Variants in CPNE5 observed in about 807,000 individuals in gnomAD.
CPNE5 encodes the protein copine-5.
CPNE5 carries 42 observed loss-of-function variants against 81.1 expected under a neutral mutation model. That is an observed-to-expected ratio of 0.52 (90% CI 0.40 to 0.67). The LOEUF is 0.67. Among genes scored for constraint, CPNE5 ranks in the 30% least tolerant of loss-of-function variants. The pLI, the probability that CPNE5 is intolerant of heterozygous loss-of-function variation, is 0.00. For synonymous variants in CPNE5, 313 were observed against 321.5 expected, an observed-to-expected ratio of 0.97 and a Z score of 0.28; for missense variants, 612 against 815.5, an observed-to-expected ratio of 0.75 and a Z score of 3.04.
intron 18 of CPNE5, 30 bp from the exon 19 acceptor site, chr6:36,744,355 G>A (rs743869): frequency 5.8e-6 from 9 of 1,557,550 alleles, no homozygotes; most frequent in African/African-American, 2.7e-5. Context: ...GCAGGGAAAG[G>A]TTGGACCCAA....
chr6:36,767,909 T>C (rs1352640492), intron 10 of CPNE5, among the ~76,000 whole-genome samples: 3 of 152,230 alleles, frequency 2.0e-5, no homozygotes, highest in Non-Finnish European at 4.4e-5. Flanking sequence ...GCTTTAGAAA[T>C]ACTGACACCA....
chr6:36,745,039 CT>C lies in CPNE5; in HGVS notation c.1431+8del. The C allele has an allele frequency of 6.2e-7, 1 of 1,607,186 alleles. No individual in the cohort carries two copies. Among genetic ancestry groups the C allele is most frequent in the Non-Finnish European group, 8.5e-7 (1 of 1,173,666 alleles). On this transcript the variant is annotated splice_region_variant and intron_variant, in intron 18 of 20. Coordinates refer to ENST00000244751, the MANE Select transcript of CPNE5 (RefSeq NM_020939.2). ...AAACCGCCTCCCCCACCGCACACTC[CT>C]TGCTTACGTTGACAATGGCCTCCTT...
In CPNE5 at chr6:36,746,305, G is replaced by T; in HGVS notation, c.1200+91C>A. The T allele has an allele frequency of 1.3e-6, 2 of 1,483,276 alleles. No individual in the cohort carries two copies. Among genetic ancestry groups the T allele is most frequent in the Non-Finnish European group, 1.8e-6 (2 of 1,114,234 alleles). The allele number at this position is 1,483,276 out of a possible 1,614,324, so 91.9% of individuals were successfully genotyped here. A position where few individuals can be genotyped will look rare whatever the true frequency, so the allele number is the denominator to read the frequency against. ...CTGAGGCTGAGCCTTAAGTCCCCGG[G>T]CTCAGAGGAAGGGAAACGTCCCCCC... On this transcript the variant is annotated intron_variant, in intron 16 of 20. Coordinates refer to ENST00000244751, the MANE Select transcript of CPNE5 (RefSeq NM_020939.2). This position sits in a 1 kb window ranked among gnomAD's most constrained non-coding sequence, Gnocchi z 4.5.
chr6:36,832,675 T>C lies in CPNE5; in HGVS notation c.95+6608A>G, dbSNP rs574243195. Among the ~76,000 whole-genome samples, 4 of 129,100 alleles carry C rather than the reference T, an allele frequency of 3.1e-5. No individual in the cohort carries two copies. In the South Asian group the frequency reaches 9.8e-4, roughly 32 times the overall value. 84.7% of individuals were successfully genotyped at this position (129,100 alleles called of 152,430 possible). On this transcript the variant is annotated intron_variant, in intron 1 of 20. Transcript: ENST00000244751. ...TAACCTACCTCCAGATTCATTGTGA[T>C]CTGAGAAAAATAAATGCATATCAAG...
intron 6 of CPNE5, among the ~76,000 whole-genome samples, chr6:36,797,172 C>T (rs1375124124): frequency 6.6e-6 from 1 of 152,240 alleles, no homozygotes; most frequent in African/African-American, 2.4e-5. Context: ...TCCCAAAGTG[C>T]TGAGATTACA....
rs374726167 is a variant in CPNE5 at position 36,744,366 on chromosome 6, T to C, written c.1432-41A>G. 8.0e-5 allele frequency: 121 copies of C among 1,509,600 alleles called. 4 individuals carry two copies. In the South Asian group the frequency reaches 1.2e-3, roughly 15 times the overall value. The allele number at this position is 1,509,600 out of a possible 1,614,324, so 93.5% of individuals were successfully genotyped here. A position where few individuals can be genotyped will look rare whatever the true frequency, so the allele number is the denominator to read the frequency against. On this transcript the variant is annotated intron_variant, in intron 18 of 20. Coordinates refer to ENST00000244751, the MANE Select transcript of CPNE5 (RefSeq NM_020939.2). ...GGGGGCAGGGAAAGGTTGGACCCAA[T>C]TGGGACCCAGTTAAAAGGAAGGAGA... is the stretch of plus-strand genomic sequence containing the variant.
intron 1 of CPNE5, among the ~76,000 whole-genome samples, chr6:36,828,945 C>T (rs1024772625): frequency 2.0e-5 from 3 of 152,030 alleles, no homozygotes; most frequent in Non-Finnish European, 2.9e-5. Context: ...AATAACAGTC[C>T]CCCCCTCCCA....
intron 10 of CPNE5, among the ~76,000 whole-genome samples, 169 bp downstream of exon 10, chr6:36,774,792 G>A (rs537217676): frequency 6.6e-6 from 1 of 152,180 alleles, no homozygotes; most frequent in African/African-American, 2.4e-5. Flanking sequence ...AGAGTGGAGG[G>A]GCTCACCAAG....
chr6:36,830,190 C>T (rs1772867245), intron 1 of CPNE5, among the ~76,000 whole-genome samples: 1 of 152,156 alleles, frequency 6.6e-6, no homozygotes, highest in Admixed American at 6.5e-5. Context: ...GAAGCTCAAG[C>T]TCATTTAAAG....
chr6:36,791,370 G>A (rs768317133), intron 8 of CPNE5, among the ~76,000 whole-genome samples: 4 of 152,130 alleles, frequency 2.6e-5, no homozygotes, highest in Admixed American at 6.5e-5. Context: ...CAAGAGCAGC[G>A]ATAACTTATG....
chr6:36,792,160 C>A (rs1582903894), intron 7 of CPNE5, 64 bp from the exon 8 acceptor site: 2 of 1,497,498 alleles, frequency 1.3e-6, no homozygotes, highest in East Asian at 2.3e-5. Flanking sequence ...ACCTGACACT[C>A]CCTCAATCAG....
chr6:36,749,806 T>C (rs1764607301), intron 14 of CPNE5, among the ~76,000 whole-genome samples: 1 of 152,202 alleles, frequency 6.6e-6, no homozygotes, highest in South Asian at 2.1e-4. Context: ...TTTCTCCACA[T>C]TTGCATGTGT....
rs1332773585 is a variant in CPNE5 at position 36,766,437 on chromosome 6, T to C, written c.738-1061A>G. Among the ~76,000 whole-genome samples the C allele has an allele frequency of 6.6e-6, 1 of 152,184 alleles. No individual in the cohort carries two copies. The highest frequency in any genetic ancestry group is 1.5e-5 in the Non-Finnish European group (1 of 68,028). On this transcript the variant is annotated intron_variant, in intron 10 of 20. Coordinates refer to ENST00000244751, the MANE Select transcript of CPNE5 (RefSeq NM_020939.2). The surrounding 1 kb of genome is among the most constrained non-coding windows in gnomAD (Gnocchi z 4.2). ...GAATGAAGGAATGCCCAGTAGGTTGTGCACACACTGGATTTCTGTAAACCA... is the reference window on the plus strand; with the variant it reads ...GAATGAAGGAATGCCCAGTAGGTTGCGCACACACTGGATTTCTGTAAACCA...
At chr6:36,787,308 G>A (rs529879802) in intron 8 of CPNE5, among the ~76,000 whole-genome samples, 3 of 152,020 alleles carry the variant, frequency 2.0e-5, no homozygotes, top group South Asian at 2.1e-4. Context: ...CCCCAGCTAT[G>A]AGGTCCCACA....
At chr6:36,839,671 C>G, upstream of CPNE5, 1 of 141,334 alleles carries the variant, frequency 7.1e-6, no homozygotes. This position sits in a 1 kb window ranked among gnomAD's most constrained non-coding sequence, Gnocchi z 7.3. Context: ...CAGAGAGGGG[C>G]GCGGGGAGAG....
At position 36,746,858 on chromosome 6, in the gene CPNE5, G is replaced by T. The variant is rs535331162; in HGVS notation, c.1019-281C>A. On this transcript the variant is annotated intron_variant, in intron 15 of 20. Transcript: ENST00000244751. The surrounding 1 kb of genome is among the most constrained non-coding windows in gnomAD (Gnocchi z 4.5). ...CCCCTGTGCCTCCAGCCCATATCCA[G>T]CACAGCAGTGACTGAGCCTATCCGC... Among the ~76,000 whole-genome samples, 2 of 151,984 alleles carry T rather than the reference G, an allele frequency of 1.3e-5. No individual in the cohort carries two copies. The highest frequency in any genetic ancestry group is 2.1e-4 in the South Asian group (1 of 4,814).
chr6:36,769,762 G>A (rs1766897742), intron 10 of CPNE5, among the ~76,000 whole-genome samples: 1 of 152,176 alleles, frequency 6.6e-6, no homozygotes. Context: ...TGTGAATACC[G>A]AGAACGGTAC....
chr6:36,775,034 T>A lies in CPNE5; in HGVS notation c.664A>T (p.Lys222Ter), dbSNP rs778514497. ...FTICHKTEVM[K>*]NTLNPVWQTF... The stretch of plus-strand genomic sequence containing the variant: ...TGCCAGACTGGATTTAGGGTGTTCT[T>A]CATGACCTCGGTCTTGTGGCAAATG... Residue 222 changes from lysine to a stop codon, truncating the protein, a stop_gained, in exon 10 of 21, where the codon AAG (lysine) becomes TAG (stop). Transcript: ENST00000244751. LOFTEE classifies it high-confidence loss of function. 1.2e-6 allele frequency: 2 copies of A among 1,614,166 alleles called. No individual in the cohort carries two copies. Among genetic ancestry groups the A allele is most frequent in the Admixed American group, 3.3e-5 (2 of 60,026 alleles).
chr6:36,784,426 G>A (rs1768333538), intron 8 of CPNE5, among the ~76,000 whole-genome samples: 1 of 152,316 alleles, frequency 6.6e-6, no homozygotes, highest in Non-Finnish European at 1.5e-5. Context: ...GCTGTGCCTT[G>A]GAAGGTCACT....
Sources: allele counts gnomAD v4.1 joint callset (sites outside exome capture counted in the v4.1 genomes callset), GRCh38; gene constraint gnomAD v4.1.1; non-coding constraint Gnocchi (gnomAD v3.1); transcripts MANE v1.5; gene names NCBI Gene and HGNC (gene_info 2026-07-23, HGNC 2026-07-21).